CNTNAP3: variants seen among roughly 807,000 people sequenced by gnomAD.
The protein encoded by CNTNAP3 is contactin associated protein family member 3, also known as contactin-associated protein-like 3.
Under a neutral mutation model 92.1 loss-of-function variants are expected in CNTNAP3, and 36 were observed. That is an observed-to-expected ratio of 0.39 (90% CI 0.30 to 0.52). The LOEUF (loss-of-function observed/expected upper bound fraction) is 0.52, where lower values mean the gene tolerates loss of function less well. CNTNAP3 is among the 20% of genes least tolerant of loss of function. CNTNAP3 has a pLI of 0.76. For synonymous variants in CNTNAP3, 232 were observed against 422.3 expected (o/e 0.55, Z 5.53); for missense variants, 534 against 1,069.6 (o/e 0.50, Z 6.98).
intron 16 of CNTNAP3, among the ~76,000 whole-genome samples, chr9:39,103,128 C>A (rs554625052): frequency 1.6e-3 from 248 of 152,260 alleles, no homozygotes; most frequent in African/African-American, 5.9e-3. Flanking sequence ...GCTTTGGGTA[C>A]ATAAAAAACA....
chr9:39,114,421 A>G (rs899255218), intron 14 of CNTNAP3, among the ~76,000 whole-genome samples: 1 of 152,096 alleles, frequency 6.6e-6, no homozygotes, highest in African/African-American at 2.4e-5. Flanking sequence ...GATGATACAC[A>G]CAAGTGTAGT....
At position 39,117,508 on chromosome 9, in the gene CNTNAP3, T is replaced by C. The variant is rs185291153; in HGVS notation, c.2237+595A>G. On this transcript the variant is annotated intron_variant, in intron 14 of 23. Coordinates refer to ENST00000297668, the MANE Select transcript of CNTNAP3 (RefSeq NM_033655.5). ...AATTGTTTCTGCTCAAAGGAAAGCT[T>C]ACAAAATAATTTTCAAATTCCAGAA... Among the ~76,000 whole-genome samples, 399 of 152,312 alleles carry C rather than the reference T, an allele frequency of 2.6e-3. 3 individuals carry two copies. Among genetic ancestry groups the C allele is most frequent in the African/African-American group, 9.0e-3 (376 of 41,568 alleles).
At position 39,111,798 on chromosome 9, in the gene CNTNAP3, G is replaced by A. The variant is rs540096829; in HGVS notation, c.2238-2511C>T. On this transcript the variant is annotated intron_variant, in intron 14 of 23. Coordinates refer to ENST00000297668, the MANE Select transcript of CNTNAP3 (RefSeq NM_033655.5). Reference sequence around the variant, plus strand: ...ACTGACTGTGCAAAATATTGAGAATGTGTAAATGAAATCCACATTTCAGTT... The same window carrying A: ...ACTGACTGTGCAAAATATTGAGAATATGTAAATGAAATCCACATTTCAGTT... Among the ~76,000 whole-genome samples, 231 of 152,132 alleles carry A rather than the reference G, an allele frequency of 1.5e-3. 1 individual carries two copies. The highest frequency in any genetic ancestry group is 5.4e-3 in the African/African-American group (226 of 41,514).
intron 4 of CNTNAP3, among the ~76,000 whole-genome samples, chr9:39,179,371 C>T (rs1232410738): frequency 1.0e-5 from 1 of 99,734 alleles, no homozygotes; most frequent in African/African-American, 4.6e-5. Context: ...GGTTCTGTTT[C>T]TCTGGAGAGC....
chr9:39,073,533 T>C lies in CNTNAP3; in HGVS notation c.*357A>G. On this transcript the variant is annotated 3_prime_UTR_variant, in exon 24 of 24. Coordinates refer to ENST00000297668, the MANE Select transcript of CNTNAP3 (RefSeq NM_033655.5). ...AAGTAGGGCCACAGCTTTATAGCCA[T>C]TTTCTCATCTAAAACCCCACAATTA... is the stretch of plus-strand genomic sequence containing the variant. 1 of 331,430 alleles carries C rather than the reference T, an allele frequency of 3.0e-6. No homozygotes were observed. Among genetic ancestry groups the C allele is most frequent in the South Asian group, 3.8e-5 (1 of 26,364 alleles). The allele number at this position is 331,430 out of a possible 1,614,324, so 20.5% of individuals were successfully genotyped here. A position where few individuals can be genotyped will look rare whatever the true frequency, so the allele number is the denominator to read the frequency against.
intron 15 of CNTNAP3, among the ~76,000 whole-genome samples, chr9:39,104,726 T>C (rs535153641): frequency 1.3e-5 from 2 of 152,224 alleles, no homozygotes; most frequent in South Asian, 4.2e-4. Context: ...ACTTGCAGAA[T>C]GTTCCTCAAC....
In CNTNAP3 at chr9:39,067,245, A is replaced by T. The variant is rs1163046000; in HGVS notation, c.*6645T>A. ...CCTAATCTTTGAAAATACGGAATAT[A>T]GTCATAATATTTTTCATTAGTAATT... is the stretch of plus-strand genomic sequence containing the variant. On this transcript the variant is annotated 3_prime_UTR_variant, in exon 24 of 24. Coordinates refer to ENST00000297668, the MANE Select transcript of CNTNAP3 (RefSeq NM_033655.5). Among the ~76,000 whole-genome samples the T allele has an allele frequency of 3.5e-4, 53 of 151,848 alleles. No homozygotes were observed. Among genetic ancestry groups the T allele is most frequent in the Admixed American group, 8.5e-4 (13 of 15,272 alleles).
At chr9:39,087,823 A>T (rs1281115250) in intron 19 of CNTNAP3, among the ~76,000 whole-genome samples, 1 of 152,050 alleles carries the variant, frequency 6.6e-6, no homozygotes, top group Non-Finnish European at 1.5e-5. Context: ...TAGGCATGAA[A>T]TTTTTGTGCT....
intron 12 of CNTNAP3, among the ~76,000 whole-genome samples, chr9:39,133,751 ATTAC>A (rs1172758726): frequency 3.9e-4 from 59 of 151,862 alleles, no homozygotes; most frequent in Non-Finnish European, 7.7e-4. Flanking sequence ...CTGTCACTTG[ATTAC>A]TTATATTGTT....
intron 14 of CNTNAP3, among the ~76,000 whole-genome samples, chr9:39,114,538 T>G (rs1820808012): frequency 6.6e-6 from 1 of 152,170 alleles, no homozygotes; most frequent in South Asian, 2.1e-4. Context: ...TGCTTTCTTT[T>G]GATTTGTATT....
At chr9:39,127,925 G>A (rs547874385) in intron 13 of CNTNAP3, among the ~76,000 whole-genome samples, 1 of 152,184 alleles carries the variant, frequency 6.6e-6, no homozygotes, top group East Asian at 1.9e-4. Context: ...TGCAACCTCT[G>A]CCTCCCAAGT....
At chr9:39,131,431 T>C (rs998552278) in intron 13 of CNTNAP3, among the ~76,000 whole-genome samples, 2 of 152,114 alleles carry the variant, frequency 1.3e-5, no homozygotes, top group Non-Finnish European at 2.9e-5. Context: ...TTGCTCTTTC[T>C]ACTAGACCAA....
chr9:39,077,865 A>T (rs998831013), intron 23 of CNTNAP3, among the ~76,000 whole-genome samples: 7 of 152,128 alleles, frequency 4.6e-5, no homozygotes, highest in African/African-American at 1.7e-4. Flanking sequence ...GAATTCTTAC[A>T]TGCTGAGAAC....
chr9:39,127,956 A>G (rs1302525794), intron 13 of CNTNAP3, among the ~76,000 whole-genome samples: 4 of 152,092 alleles, frequency 2.6e-5, no homozygotes, highest in Non-Finnish European at 1.5e-5. Flanking sequence ...CTCCTGCCTC[A>G]GCCTCCTGAG....
At chr9:39,127,867 C>T (rs998366209) in intron 13 of CNTNAP3, among the ~76,000 whole-genome samples, 1 of 152,094 alleles carries the variant, frequency 6.6e-6, no homozygotes, top group East Asian at 1.9e-4. Flanking sequence ...GAGATGAAAT[C>T]TCGTTCTGTT....
At chr9:39,164,904 A>AATT (rs1248104245) in intron 9 of CNTNAP3, among the ~76,000 whole-genome samples, 1 of 148,510 alleles carries the variant, frequency 6.7e-6, no homozygotes, top group African/African-American at 2.5e-5. Flanking sequence ...AACTTCCTTT[A>AATT]TAATCAAAAG....
intron 18 of CNTNAP3, among the ~76,000 whole-genome samples, chr9:39,096,452 G>T (rs1422029422): frequency 6.6e-6 from 1 of 151,894 alleles, no homozygotes; most frequent in Non-Finnish European, 1.5e-5. Flanking sequence ...CGTTATTTAT[G>T]GGGTAGAGGT....
intron 14 of CNTNAP3, among the ~76,000 whole-genome samples, chr9:39,112,308 A>G (rs546539609): frequency 6.6e-6 from 1 of 152,246 alleles, no homozygotes; most frequent in South Asian, 2.1e-4. Context: ...AAGTAGGGCC[A>G]TAAGTTTGGG....
intron 15 of CNTNAP3, among the ~76,000 whole-genome samples, chr9:39,104,771 T>C (rs1283747096): frequency 6.6e-6 from 1 of 152,130 alleles, no homozygotes; most frequent in East Asian, 1.9e-4. Context: ...ATTGGATTCA[T>C]GTTGTGCATT....
Sources: allele counts gnomAD v4.1 joint callset (sites outside exome capture counted in the v4.1 genomes callset), GRCh38; gene constraint gnomAD v4.1.1; transcripts MANE v1.5; gene names NCBI Gene and HGNC (gene_info 2026-07-23, HGNC 2026-07-21).